Variants in EIF2S1 observed in about 807,000 individuals in gnomAD.
The protein encoded by EIF2S1 is eukaryotic translation initiation factor 2 subunit alpha.
EIF2S1 carries 5 observed loss-of-function variants against 33.5 expected under a neutral mutation model. The ratio of observed to expected loss-of-function variants is 0.15; its 90% CI spans 0.08 to 0.31. EIF2S1 has a LOEUF of 0.31. Ranked by LOEUF, EIF2S1 falls within the 10% of genes least tolerant of loss-of-function variation. The pLI is 1.00. For synonymous variants in EIF2S1, 99 were observed against 127.5 expected (o/e 0.78, Z 1.51); for missense variants, 191 against 384.6 (o/e 0.50, Z 4.21).
intron 7 of EIF2S1, 101 bp from the exon 8 acceptor site, chr14:67,383,214 A>G: frequency 2.3e-6 from 3 of 1,312,860 alleles, no homozygotes; most frequent in Non-Finnish European, 3.1e-6. Context: ...GAGTTGTTAG[A>G]AAAGTGTTAA....
chr14:67,361,548 T>A (rs975196668), intron 1 of EIF2S1, among the ~76,000 whole-genome samples: 2 of 152,238 alleles, frequency 1.3e-5, no homozygotes, highest in African/African-American at 4.8e-5. Flanking sequence ...ACGAGAGTTG[T>A]CCCCATCACA....
At chr14:67,364,009 A>C (rs922113321) in intron 1 of EIF2S1, 1 of 152,196 alleles carries the variant, frequency 6.6e-6, no homozygotes. Context: ...AAAGGGAATA[A>C]TTGTAAATAT....
At chr14:67,374,018 C>T (rs8008820) in intron 2 of EIF2S1, among the ~76,000 whole-genome samples, 12,359 of 152,022 alleles carry the variant, frequency 0.081, 1,191 homozygotes, top group African/African-American at 0.23. Flanking sequence ...TTAGTTCTCT[C>T]CAGTAAGGTA....
chr14:67,362,810 A>G (rs1036333787), intron 1 of EIF2S1, among the ~76,000 whole-genome samples: 1 of 152,208 alleles, frequency 6.6e-6, no homozygotes, highest in Non-Finnish European at 1.5e-5. Context: ...TTGTCAACCA[A>G]TATGCAGGTT....
intron 2 of EIF2S1, among the ~76,000 whole-genome samples, chr14:67,372,849 CA>C (rs891003512): frequency 6.6e-6 from 1 of 150,528 alleles, no homozygotes; most frequent in Non-Finnish European, 1.5e-5. Context: ...AAAAAACAAA[CA>C]AAAAAACCCT....
chr14:67,381,734 A>T lies in EIF2S1; in HGVS notation c.678+44A>T, dbSNP rs771704343. On this transcript the variant is annotated intron_variant, in intron 6 of 7. Coordinates refer to ENST00000256383, the MANE Select transcript of EIF2S1 (RefSeq NM_004094.5). ...CCCTCCCTGCTGAAATGCTCACCTA[A>T]ACCAAATAGGATCTTTGATCTTTGT... 3.0e-6 allele frequency: 4 copies of T among 1,347,510 alleles called. No homozygotes were observed. In the Admixed American group the frequency reaches 7.9e-5, roughly 27 times the overall value. The allele number at this position is 1,347,510 out of a possible 1,614,324, so 83.5% of individuals were successfully genotyped here. A position where few individuals can be genotyped will look rare whatever the true frequency, so the allele number is the denominator to read the frequency against.
chr14:67,369,673 G>T (rs1311967028), intron 2 of EIF2S1, among the ~76,000 whole-genome samples: 1 of 152,178 alleles, frequency 6.6e-6, no homozygotes, highest in Non-Finnish European at 1.5e-5. Context: ...TATCTTGGGA[G>T]GGAAGAGTTT....
At position 67,385,421 on chromosome 14, in the gene EIF2S1, C is replaced by T. The variant is rs1444277101; in HGVS notation, c.*1981C>T. On this transcript the variant is annotated 3_prime_UTR_variant, in exon 8 of 8. Coordinates refer to ENST00000256383, the MANE Select transcript of EIF2S1 (RefSeq NM_004094.5). ...CTCCAGTGCACTCGAGCCTGGGTGA[C>T]AGGGCAAGACCCTGTCTCAAAAAAA... 1 of 140,018 alleles carries T rather than the reference C, an allele frequency of 7.1e-6. No individual in the cohort carries two copies. The highest frequency in any genetic ancestry group is 1.5e-5 in the Non-Finnish European group (1 of 65,690). The allele number at this position is 140,018 out of a possible 1,614,324, so 8.7% of individuals were successfully genotyped here. A position where few individuals can be genotyped will look rare whatever the true frequency, so the allele number is the denominator to read the frequency against.
intron 1 of EIF2S1, among the ~76,000 whole-genome samples, chr14:67,362,880 C>T (rs1279327320): frequency 6.6e-6 from 1 of 152,122 alleles, no homozygotes; most frequent in Non-Finnish European, 1.5e-5. Flanking sequence ...GAATAACATA[C>T]CATCAACAGT....
chr14:67,382,702 C>G (rs769389666), intron 7 of EIF2S1, 112 bp downstream of exon 7: 2 of 1,260,226 alleles, frequency 1.6e-6, no homozygotes, highest in Admixed American at 1.7e-5. Context: ...GATGGTCATT[C>G]AGGCCTTTGA....
At position 67,382,733 on chromosome 14, in the gene EIF2S1, A is replaced by AC. The variant is rs2085894641; in HGVS notation, c.822+149dup. On this transcript the variant is annotated intron_variant, in intron 7 of 7. Transcript: ENST00000256383. ...TTTGATCACTAATGGTGTTAGGGTC[A>AC]CCCCCCGTCCCCAGCCAGGGGGAAG... 27 of 886,000 alleles carry AC rather than the reference A, an allele frequency of 3.0e-5. No homozygotes were observed. The South Asian group carries it at 3.8e-4, about 13-fold the overall frequency. The allele number at this position is 886,000 out of a possible 1,614,324, so 54.9% of individuals were successfully genotyped here. A position where few individuals can be genotyped will look rare whatever the true frequency, so the allele number is the denominator to read the frequency against.
At chr14:67,363,919 T>A (rs1474200673) in intron 1 of EIF2S1, 3 of 152,208 alleles carry the variant, frequency 2.0e-5, no homozygotes, top group Admixed American at 1.3e-4. Context: ...CTTCCTTTTT[T>A]AAATATGCTT....
rs143738695 is a variant in EIF2S1 at position 67,382,840 on chromosome 14, G to A, written c.822+250G>A. 2.2e-3 allele frequency among the ~76,000 whole-genome samples: 329 copies of A among 151,224 alleles called. 1 individual carries two copies. Among genetic ancestry groups the A allele is most frequent in the African/African-American group, 7.7e-3 (318 of 41,270 alleles). On this transcript the variant is annotated intron_variant, in intron 7 of 7. Transcript: ENST00000256383. ...TCTAAAATTTGATCTCAGAATTGGA[G>A]AAAAAAAAAGTTGTCTCCTGTCTTT...
intron 7 of EIF2S1, 36 bp from the exon 8 acceptor site, chr14:67,383,279 C>T: frequency 1.2e-6 from 2 of 1,605,912 alleles, no homozygotes; most frequent in Non-Finnish European, 1.7e-6. Context: ...ATAGTATTTA[C>T]TACTTCAGTT....
chr14:67,383,693 A>G lies in EIF2S1; in HGVS notation c.*253A>G, dbSNP rs1472454497. ...TCACTAGAGACAAATCTTTAAGAAT[A>G]GTTCTAAAATTGGGCTTGTGATTTC... On this transcript the variant is annotated 3_prime_UTR_variant, in exon 8 of 8. Coordinates refer to ENST00000256383, the MANE Select transcript of EIF2S1 (RefSeq NM_004094.5). 7.3e-6 allele frequency: 3 copies of G among 412,758 alleles called. No homozygotes were observed. In the East Asian group the frequency reaches 1.8e-4, roughly 25 times the overall value. 25.6% of individuals were successfully genotyped at this position (412,758 alleles called of 1,614,324 possible).
At chr14:67,366,374 C>G (rs1346469896) in intron 2 of EIF2S1, among the ~76,000 whole-genome samples, 1 of 152,072 alleles carries the variant, frequency 6.6e-6, no homozygotes, top group Non-Finnish European at 1.5e-5. Context: ...GCTCAGCCTT[C>G]TTTTTCTATT....
chr14:67,364,555 C>A, intron 1 of EIF2S1: 1 of 477,562 alleles, frequency 2.1e-6, no homozygotes, highest in South Asian at 2.8e-5. Flanking sequence ...CCAAGCATTA[C>A]AAAAATGTTG....
At chr14:67,382,834 A>G (rs1471996107) in intron 7 of EIF2S1, among the ~76,000 whole-genome samples, 3 of 152,056 alleles carry the variant, frequency 2.0e-5, no homozygotes, top group African/African-American at 4.8e-5. Flanking sequence ...TGATCTCAGA[A>G]TTGGAGAAAA....
chr14:67,382,896 C>T (rs769362806), intron 7 of EIF2S1, among the ~76,000 whole-genome samples: 2 of 141,056 alleles, frequency 1.4e-5, no homozygotes, highest in African/African-American at 5.7e-5. Context: ...AGTGTGTGTA[C>T]GTGCGTGCGT....
Sources: gnomAD v4.1 joint callset for allele counts (sites outside exome capture counted in the v4.1 genomes callset) on GRCh38, gnomAD v4.1.1 for gene constraint, MANE v1.5 for transcripts, NCBI Gene and HGNC (gene_info 2026-07-23, HGNC 2026-07-21) for gene names.